The following FADS3 variants were observed in gnomAD, a reference collection of about 807,000 sequenced individuals.
FADS3 encodes cytochrome b5-related protein.
FADS3 carries 30 observed loss-of-function variants against 60.4 expected under a neutral mutation model. The ratio of observed to expected loss-of-function variants is 0.50; its 90% CI spans 0.37 to 0.67. The LOEUF (loss-of-function observed/expected upper bound fraction) is 0.67. FADS3 is among the 30% of genes least tolerant of loss of function. FADS3 has a pLI of 0.00. For missense variants in FADS3, 432 were observed against 598.3 expected, an observed-to-expected ratio of 0.72 and a Z score of 2.90; for synonymous variants, 234 against 249.3, an observed-to-expected ratio of 0.94 and a Z score of 0.58.
intron 1 of FADS3, among the ~76,000 whole-genome samples, chr11:61,884,328 A>G (rs1938236586): frequency 6.6e-6 from 1 of 152,082 alleles, no homozygotes; most frequent in African/African-American, 2.4e-5. Context: ...GGGCAAGGGG[A>G]GGGAGAGCAT....
intron 1 of FADS3, among the ~76,000 whole-genome samples, chr11:61,883,094 A>T (rs1392965680): frequency 6.6e-6 from 1 of 152,208 alleles, no homozygotes; most frequent in Non-Finnish European, 1.5e-5. Context: ...TTAGGTGTCC[A>T]GCTCAGTGGT....
intron 1 of FADS3, among the ~76,000 whole-genome samples, chr11:61,885,314 A>G (rs1938276195): frequency 6.6e-6 from 1 of 152,100 alleles, no homozygotes; most frequent in Non-Finnish European, 1.5e-5. Context: ...CCCAGACAAG[A>G]CCACACCCAT....
At chr11:61,885,531 G>A (rs542548172) in intron 1 of FADS3, among the ~76,000 whole-genome samples, 1 of 152,226 alleles carries the variant, frequency 6.6e-6, no homozygotes, top group African/African-American at 2.4e-5. Context: ...TGCAGGAGGG[G>A]CCTACAGGTG....
At chr11:61,887,882 C>A (rs1355997275) in intron 1 of FADS3, among the ~76,000 whole-genome samples, 3 of 152,196 alleles carry the variant, frequency 2.0e-5, no homozygotes, top group Non-Finnish European at 4.4e-5. Flanking sequence ...GAATTTCAAG[C>A]CACTTTGCCT....
At chr11:61,879,161 C>T in intron 3 of FADS3, 151 bp downstream of exon 3, 1 of 770,368 alleles carries the variant, frequency 1.3e-6, no homozygotes, top group South Asian at 1.8e-5. Flanking sequence ...GATGGGCCTT[C>T]AGACTGTTCA....
chr11:61,891,373 G>A lies in FADS3; in HGVS notation c.9C>T (p.Gly3=). ...CCTCCCGCGGTCCCGGCTCCCCGACGCCGCCCATGCTGCACGCACGAGTCC... is the reference window on the plus strand; with the variant it reads ...CCTCCCGCGGTCCCGGCTCCCCGACACCGCCCATGCTGCACGCACGAGTCC... MG[G]VGEPGPREGP... Residue 3 remains glycine, a synonymous_variant, in exon 1 of 12, where the codon GGC becomes GGT. Transcript: ENST00000278829. The A allele has an allele frequency of 4.1e-6, 6 of 1,472,612 alleles. No homozygotes were observed. Among genetic ancestry groups the A allele is most frequent in the Non-Finnish European group, 5.4e-6 (6 of 1,117,064 alleles). 91.2% of individuals were successfully genotyped at this position (1,472,612 alleles called of 1,614,324 possible). A position where few individuals can be genotyped will look rare whatever the true frequency, so the allele number is the denominator to read the frequency against.
chr11:61,891,607 C>A (rs1348998027), upstream of FADS3: 4 of 181,604 alleles, frequency 2.2e-5, no homozygotes, highest in East Asian at 1.6e-4. Context: ...CCTCGCCTGC[C>A]CCCCCGCCCC....
Position 61,877,662 on chromosome 11 carries a change from T to A in FADS3, c.809-75A>T. 7.4e-7 allele frequency: 1 copy of A among 1,348,006 alleles called. No homozygotes were observed. The highest frequency in any genetic ancestry group is 1.0e-6 in the Non-Finnish European group (1 of 956,814). The allele number at this position is 1,348,006 out of a possible 1,614,324, so 83.5% of individuals were successfully genotyped here. On this transcript the variant is annotated intron_variant, in intron 6 of 11. Coordinates refer to ENST00000278829, the MANE Select transcript of FADS3 (RefSeq NM_021727.5). This position sits in a 1 kb window ranked among gnomAD's most constrained non-coding sequence, Gnocchi z 4.7. ...GTGAGTGGGCGCCAGAGTGAGGGGC[T>A]CTGTTACTCCAGGAATGCCCCTGGG...
At chr11:61,878,061 G>GC in intron 6 of FADS3, 94 bp downstream of exon 6, 2 of 1,127,194 alleles carry the variant, frequency 1.8e-6, no homozygotes, top group African/African-American at 1.5e-5. Flanking sequence ...GACGTGCCCC[G>GC]CCCCAGGAAG....
intron 1 of FADS3, among the ~76,000 whole-genome samples, chr11:61,886,083 A>T (rs1938302270): frequency 6.6e-6 from 1 of 151,978 alleles, no homozygotes; most frequent in Admixed American, 6.6e-5. Context: ...GAAGGCAGAC[A>T]CCCCCAAAAA....
chr11:61,889,471 G>T (rs1230014197), intron 1 of FADS3, among the ~76,000 whole-genome samples: 2 of 151,966 alleles, frequency 1.3e-5, no homozygotes, highest in African/African-American at 4.8e-5. Context: ...CCAACATGGT[G>T]AAACCCCGTC....
chr11:61,877,871 T>A lies in FADS3; in HGVS notation c.808+284A>T. The A allele has an allele frequency of 1.7e-6, 1 of 593,754 alleles. No individual in the cohort carries two copies. Among genetic ancestry groups the A allele is most frequent in the East Asian group, 2.8e-5 (1 of 35,960 alleles). The allele number at this position is 593,754 out of a possible 1,614,324, so 36.8% of individuals were successfully genotyped here. A position where few individuals can be genotyped will look rare whatever the true frequency, so the allele number is the denominator to read the frequency against. On this transcript the variant is annotated intron_variant, in intron 6 of 11. Transcript: ENST00000278829. The surrounding 1 kb of genome is among the most constrained non-coding windows in gnomAD (Gnocchi z 4.7). ...CAAAGACTCTAGGGCTCCGGACCAC[T>A]CTAGTGAGGGCAAGAAGAAATTCTA... is the stretch of plus-strand genomic sequence containing the variant.
intron 1 of FADS3, chr11:61,880,426 C>T (rs1454322965): frequency 3.5e-6 from 1 of 282,482 alleles, no homozygotes; most frequent in African/African-American, 2.2e-5. Flanking sequence ...ATCTGCAGCT[C>T]TGGATTTACA....
At chr11:61,879,948 AG>A in intron 2 of FADS3, 92 bp downstream of exon 2, 1 of 1,027,524 alleles carries the variant, frequency 9.7e-7, no homozygotes. Flanking sequence ...GCGAATGCCG[AG>A]GGAGCTGCTC....
rs116708631 is a variant in FADS3, at chr11:61,876,404, G to A, written c.1035C>T (p.Pro345=). Residue 345 remains proline (P), a synonymous_variant, in exon 9 of 12, where the codon CCC becomes CCT. Coordinates refer to ENST00000278829, the MANE Select transcript of FADS3 (RefSeq NM_021727.5). The surrounding 1 kb of genome is among the most constrained non-coding windows in gnomAD (Gnocchi z 5.7). ...GGTGCTTCTCGTGGCCGATCTCCTTGGGGATGTGGTTCATCTGTGTGATCC... is the reference window on the plus strand; with the variant it reads ...GGTGCTTCTCGTGGCCGATCTCCTTAGGGATGTGGTTCATCTGTGTGATCC... ...FVWITQMNHI[P]KEIGHEKHRD... is the part of the protein sequence containing the mutation. 193 of 1,613,372 alleles carry A rather than the reference G, an allele frequency of 1.2e-4. 1 individual carries two copies. In the African/African-American group the frequency reaches 2.5e-3, roughly 21 times the overall value.
In FADS3 at chr11:61,877,380, G is replaced by A. The variant is rs1487071769; in HGVS notation, c.885+131C>T. ...ACACATGTGAGCCACACTGTTGCAC[G>A]CATACATGTGAGCCACACTGTTGCA... On this transcript the variant is annotated intron_variant, in intron 7 of 11. Transcript: ENST00000278829. The surrounding 1 kb of genome is among the most constrained non-coding windows in gnomAD (Gnocchi z 4.7). 9 of 790,092 alleles carry A rather than the reference G, an allele frequency of 1.1e-5. No individual in the cohort carries two copies. Among genetic ancestry groups the A allele is most frequent in the South Asian group, 3.1e-5 (2 of 64,026 alleles). 48.9% of individuals were successfully genotyped at this position (790,092 alleles called of 1,614,324 possible).
chr11:61,879,314 G>A lies in FADS3; in HGVS notation c.520C>T (p.Gln174Ter), dbSNP rs954647217. 6.4e-7 allele frequency: 1 copy of A among 1,552,198 alleles called. No homozygotes were observed. Among genetic ancestry groups the A allele is most frequent in the African/African-American group, 1.4e-5 (1 of 73,194 alleles). The change falls in exon 3 of 12, where the codon CAG becomes TAG. Residue 174 changes from glutamine (Q) to a stop codon, truncating the protein, a stop_gained and splice_region_variant. Coordinates refer to ENST00000278829, the MANE Select transcript of FADS3 (RefSeq NM_021727.5). LOFTEE classifies it high-confidence loss of function. ...ALAAFILAISQAQSWCLQHDL... is the reference protein window; with the variant it reads ...ALAAFILAIS ...CTGCAACACAGAACTGGGGTCACCT[G>A]AGAGATGGCCAGGATGAAGGCGGCC... is the stretch of plus-strand genomic sequence containing the variant.
At chr11:61,879,815 G>A (rs1467001613) in intron 2 of FADS3, among the ~76,000 whole-genome samples, 1 of 152,330 alleles carries the variant, frequency 6.6e-6, no homozygotes, top group East Asian at 1.9e-4. Flanking sequence ...GGATCCAAAC[G>A]GGTGCCTGGC....
At chr11:61,875,379 G>GT (rs58200660) in intron 11 of FADS3, among the ~76,000 whole-genome samples, 21 of 128,508 alleles carry the variant, frequency 1.6e-4, no homozygotes, top group African/African-American at 5.4e-4. Context: ...GCTAATTTTT[G>GT]TTTTTTTTTT....
Sources: allele counts gnomAD v4.1 joint callset (sites outside exome capture counted in the v4.1 genomes callset), GRCh38; gene constraint gnomAD v4.1.1; non-coding constraint Gnocchi (gnomAD v3.1); transcripts MANE v1.5; gene names NCBI Gene and HGNC (gene_info 2026-07-23, HGNC 2026-07-21).